SLC39A11: variants seen among roughly 807,000 people sequenced by gnomAD.
SLC39A11 encodes the protein zinc transporter ZIP11.
SLC39A11 carries 33 observed loss-of-function variants against 36.1 expected under a neutral mutation model. That is an observed-to-expected ratio of 0.91 (90% CI 0.69 to 1.22). The LOEUF is 1.22. SLC39A11 is among the 50% of genes most tolerant of loss of function. SLC39A11 has a pLI of 0.00. For synonymous variants in SLC39A11, 166 were observed against 170.3 expected, an observed-to-expected ratio of 0.97 and a Z score of 0.20; for missense variants, 432 against 430.3, an observed-to-expected ratio of 1.00 and a Z score of -0.03.
At chr17:72,903,966 G>A (rs1337883760) in intron 5 of SLC39A11, among the ~76,000 whole-genome samples, 4 of 152,186 alleles carry the variant, frequency 2.6e-5, no homozygotes, top group African/African-American at 7.2e-5. Flanking sequence ...TCTTAATAGT[G>A]CTGAAGACGG....
intron 5 of SLC39A11, among the ~76,000 whole-genome samples, chr17:72,890,284 CAAA>C (rs11335169): frequency 3.5e-5 from 5 of 140,966 alleles, no homozygotes; most frequent in African/African-American, 7.8e-5. Flanking sequence ...ACAACAACAA[CAAA>C]AAAAAAAAAA....
At chr17:73,066,350 G>A (rs1056871184) in intron 3 of SLC39A11, among the ~76,000 whole-genome samples, 1 of 152,170 alleles carries the variant, frequency 6.6e-6, no homozygotes, top group East Asian at 1.9e-4. Flanking sequence ...GAAGCACCCA[G>A]CTGAGCCCAG....
intron 5 of SLC39A11, among the ~76,000 whole-genome samples, chr17:72,882,799 T>TTTTTTTTTTCTTTTTC (rs2081263505): frequency 1.1e-5 from 1 of 87,398 alleles, no homozygotes; most frequent in African/African-American, 4.2e-5. Flanking sequence ...GAATGCTTCT[T>TTTTTTTTTTCTTTTTC]TTTTTTTTTT....
At chr17:72,884,615 G>C (rs2081363016) in intron 5 of SLC39A11, among the ~76,000 whole-genome samples, 1 of 152,216 alleles carries the variant, frequency 6.6e-6, no homozygotes, top group Non-Finnish European at 1.5e-5. Context: ...TTAAGGACCA[G>C]ACTATATTAC....
At chr17:73,085,939 A>G (rs1047421037) in intron 2 of SLC39A11, among the ~76,000 whole-genome samples, 4 of 152,254 alleles carry the variant, frequency 2.6e-5, no homozygotes, top group Non-Finnish European at 5.9e-5. Context: ...CACATACTAC[A>G]GTTACATCTT....
intron 7 of SLC39A11, among the ~76,000 whole-genome samples, chr17:72,734,721 C>T (rs545973056): frequency 1.3e-5 from 2 of 152,284 alleles, no homozygotes; most frequent in South Asian, 4.2e-4. Flanking sequence ...TCGCGGGGGA[C>T]GTGGTGCCAC....
At chr17:72,758,798 G>A (rs879571032) in intron 6 of SLC39A11, among the ~76,000 whole-genome samples, 4 of 152,204 alleles carry the variant, frequency 2.6e-5, no homozygotes, top group Non-Finnish European at 4.4e-5. Flanking sequence ...TGCCCAGATC[G>A]GTTGATACTT....
chr17:72,758,192 T>C (rs2075434667), intron 6 of SLC39A11, among the ~76,000 whole-genome samples: 1 of 152,198 alleles, frequency 6.6e-6, no homozygotes, highest in South Asian at 2.1e-4. Context: ...AGTCTTTAGT[T>C]AGTATTTATT....
At chr17:72,672,294 C>G (rs2071057729) in intron 7 of SLC39A11, among the ~76,000 whole-genome samples, 8 of 152,082 alleles carry the variant, frequency 5.3e-5, no homozygotes, top group Admixed American at 5.2e-4. Flanking sequence ...ACTAAAAATA[C>G]AAAAATTGGC....
At chr17:72,740,796 C>T (rs529332923) in intron 6 of SLC39A11, among the ~76,000 whole-genome samples, 28 of 152,128 alleles carry the variant, frequency 1.8e-4, no homozygotes, top group African/African-American at 5.1e-4. Flanking sequence ...GTATTTGAGA[C>T]GGAGTTTTGC....
At chr17:73,055,637 C>T (rs972475440) in intron 3 of SLC39A11, among the ~76,000 whole-genome samples, 8 of 142,468 alleles carry the variant, frequency 5.6e-5, no homozygotes, top group Non-Finnish European at 9.2e-5. Flanking sequence ...GGGTAGGGGG[C>T]GAGGGGCAGG....
At chr17:72,742,018 A>G (rs2074729220) in intron 6 of SLC39A11, among the ~76,000 whole-genome samples, 1 of 152,138 alleles carries the variant, frequency 6.6e-6, no homozygotes, top group African/African-American at 2.4e-5. Context: ...CCTGGCCAAC[A>G]TGGTGAAACC....
At chr17:72,780,752 C>T (rs1365927790) in intron 6 of SLC39A11, among the ~76,000 whole-genome samples, 1 of 152,056 alleles carries the variant, frequency 6.6e-6, no homozygotes, top group Non-Finnish European at 1.5e-5. Context: ...CTTTGGGAGG[C>T]CAGGGCAGGC....
intron 7 of SLC39A11, among the ~76,000 whole-genome samples, chr17:72,689,311 G>A (rs2071905036): frequency 6.6e-6 from 1 of 152,224 alleles, no homozygotes; most frequent in Admixed American, 6.5e-5. Context: ...CCCCTTGAAA[G>A]TAATTGTTTG....
chr17:72,716,274 G>C (rs1417485488), intron 7 of SLC39A11, among the ~76,000 whole-genome samples: 2 of 152,048 alleles, frequency 1.3e-5, no homozygotes, highest in East Asian at 1.9e-4. Flanking sequence ...ACGGAAGAAA[G>C]GAAATTCGTC....
chr17:72,785,242 A>G (rs67277674), intron 6 of SLC39A11, among the ~76,000 whole-genome samples: 27,650 of 152,100 alleles, frequency 0.18, 3,602 homozygotes, highest in African/African-American at 0.37. Flanking sequence ...AGAAGCAAGG[A>G]TATAGGATGA....
At chr17:72,909,073 T>C (rs185196250) in intron 5 of SLC39A11, among the ~76,000 whole-genome samples, 180 of 152,370 alleles carry the variant, frequency 1.2e-3, no homozygotes, top group Non-Finnish European at 2.1e-3. Flanking sequence ...TAAGAGCAGG[T>C]TGCCTCAGAG....
chr17:72,831,419 G>A (rs9890019), intron 6 of SLC39A11, among the ~76,000 whole-genome samples: 4 of 152,168 alleles, frequency 2.6e-5, no homozygotes, highest in South Asian at 4.1e-4. Flanking sequence ...AAGCAGGCTC[G>A]TGTCCATGAC....
chr17:72,660,292 G>A (rs568122818), intron 7 of SLC39A11, among the ~76,000 whole-genome samples: 1 of 152,322 alleles, frequency 6.6e-6, no homozygotes, highest in Admixed American at 6.5e-5. Context: ...CCTCCGGCTA[G>A]AATAAAAATG....
Sources: gnomAD v4.1 joint callset for allele counts (sites outside exome capture counted in the v4.1 genomes callset) on GRCh38, gnomAD v4.1.1 for gene constraint, MANE v1.5 for transcripts, NCBI Gene and HGNC (gene_info 2026-07-23, HGNC 2026-07-21) for gene names.